The following SOX5 variants were observed in gnomAD, a reference collection of about 807,000 sequenced individuals.
The protein encoded by SOX5 is transcription factor SOX-5.
SOX5 carries 9 observed loss-of-function variants against 92.0 expected under a neutral mutation model. The observed-to-expected ratio is 0.10, with a 90% CI of 0.06 to 0.17. The LOEUF is 0.17. Among genes scored for constraint, SOX5 ranks in the 10% least tolerant of loss-of-function variants. The pLI is 1.00. For missense variants in SOX5, 642 were observed against 944.5 expected, an observed-to-expected ratio of 0.68 and a Z score of 4.20; for synonymous variants, 344 against 336.3, an observed-to-expected ratio of 1.02 and a Z score of -0.25.
In SOX5 at chr12:24,513,071, G is replaced by T. The variant is rs1261041387; in HGVS notation, c.-251+49258C>A. Among the ~76,000 whole-genome samples, 7 of 152,126 alleles carry T rather than the reference G, an allele frequency of 4.6e-5. No homozygotes were observed. In the East Asian group the frequency reaches 1.3e-3, roughly 29 times the overall value. On this transcript the variant is annotated intron_variant, in intron 1 of 4. Coordinates refer to the SOX5 transcript ENST00000446891. ...GTACCATACTCTCTCATGGTGCTGGGCAGTAGCAGTGAGCCGCAGCTCCCA... is the reference window on the plus strand; with the variant it reads ...GTACCATACTCTCTCATGGTGCTGGTCAGTAGCAGTGAGCCGCAGCTCCCA...
intron 2 of SOX5, among the ~76,000 whole-genome samples, chr12:24,323,959 T>G (rs1262571803): frequency 3.3e-5 from 5 of 152,154 alleles, no homozygotes; most frequent in Non-Finnish European, 2.9e-5. Flanking sequence ...CCTCACTTAT[T>G]AAATAAATGT....
chr12:24,223,556 C>A (rs958449551), intron 3 of SOX5, among the ~76,000 whole-genome samples: 3 of 152,110 alleles, frequency 2.0e-5, no homozygotes, highest in Non-Finnish European at 4.4e-5. Context: ...CATTTTGAGA[C>A]CAGCCTGAGC....
intron 4 of SOX5, among the ~76,000 whole-genome samples, chr12:24,211,101 C>T (rs1958561949): frequency 6.6e-6 from 1 of 152,174 alleles, no homozygotes; most frequent in African/African-American, 2.4e-5. Context: ...TGCCACTGCC[C>T]TTGCCATTCC....
At chr12:24,046,989 G>C (rs1169939247) in intron 4 of SOX5, among the ~76,000 whole-genome samples, 1 of 152,054 alleles carries the variant, frequency 6.6e-6, no homozygotes, top group Non-Finnish European at 1.5e-5. Context: ...TCCCGGCCCT[G>C]AATTTTTAAA....
rs2096436695 is a variant in SOX5 at position 23,837,269 on chromosome 12, T to TATATATTTATATTTATATAATATAC, written c.481+8713_481+8714insGTATATTATATAAATATAAATATAT. On this transcript the variant is annotated intron_variant, in intron 3 of 14. Transcript: ENST00000451604. ...TATATATTTATATTTATATAATATA[T>TATATATTTATATTTATATAATATAC]AATATGTATTTATATTTATATTTAT... Among the ~76,000 whole-genome samples the TATATATTTATATTTATATAATATAC allele has an allele frequency of 5.6e-5, 4 of 71,118 alleles. No individual in the cohort carries two copies. In the South Asian group the frequency reaches 2.0e-3, roughly 36 times the overall value. The allele number at this position is 71,118 out of a possible 152,430, so 46.7% of individuals were successfully genotyped here. A position where few individuals can be genotyped will look rare whatever the true frequency, so the allele number is the denominator to read the frequency against.
intron 4 of SOX5, among the ~76,000 whole-genome samples, chr12:24,003,910 C>T (rs988238853): frequency 4.6e-5 from 7 of 151,928 alleles, no homozygotes; most frequent in African/African-American, 1.7e-4. Context: ...TATAAAGCTA[C>T]AGTGATCAAG....
intron 1 of SOX5, among the ~76,000 whole-genome samples, chr12:24,539,470 C>T (rs1048818580): frequency 6.6e-6 from 1 of 152,194 alleles, no homozygotes; most frequent in East Asian, 1.9e-4. Context: ...CATGTTCAAA[C>T]ACTGGTTTAC....
chr12:24,296,719 C>T (rs761578164), intron 2 of SOX5, among the ~76,000 whole-genome samples: 9 of 151,498 alleles, frequency 5.9e-5, no homozygotes, highest in Non-Finnish European at 8.8e-5. Context: ...CACTCTCCTA[C>T]GCAGCCAATA....
chr12:24,042,635 A>G (rs1240595423), intron 4 of SOX5, among the ~76,000 whole-genome samples: 1 of 152,158 alleles, frequency 6.6e-6, no homozygotes, highest in East Asian at 1.9e-4. Flanking sequence ...GCCAGCAGCA[A>G]TGAATTCCAC....
intron 2 of SOX5, among the ~76,000 whole-genome samples, chr12:23,890,173 A>T (rs1409131697): frequency 1.3e-5 from 2 of 152,130 alleles, no homozygotes; most frequent in African/African-American, 4.8e-5. Context: ...CACAAAAATT[A>T]GTTGCGCATG....
intron 4 of SOX5, among the ~76,000 whole-genome samples, chr12:24,163,958 T>A (rs752534330): frequency 6.6e-6 from 1 of 152,072 alleles, no homozygotes; most frequent in Non-Finnish European, 1.5e-5. Flanking sequence ...TCAAAATTAT[T>A]TCAATAGAAG....
chr12:24,119,941 T>G (rs1479472490), intron 4 of SOX5, among the ~76,000 whole-genome samples: 1 of 152,210 alleles, frequency 6.6e-6, no homozygotes, highest in Non-Finnish European at 1.5e-5. Flanking sequence ...TATTTTGTGT[T>G]TGGCTCATGC....
chr12:24,495,444 C>T (rs1947532594), intron 1 of SOX5, among the ~76,000 whole-genome samples: 2 of 152,188 alleles, frequency 1.3e-5, no homozygotes, highest in South Asian at 4.1e-4. Flanking sequence ...TATTAGAAGA[C>T]TTATTCAGAA....
chr12:23,846,211 A>G lies in SOX5; in HGVS notation c.271-18T>C, dbSNP rs755093511. The G allele has an allele frequency of 5.7e-6, 9 of 1,577,050 alleles. No individual in the cohort carries two copies. The South Asian group carries it at 1.0e-4, about 17-fold the overall frequency. On this transcript the variant is annotated intron_variant, in intron 2 of 14. Transcript: ENST00000451604. ...TCAACTTCCTGAAAGAGAAAGCAAA[A>G]TGACAAATAATTGTTTACCTGAAAG...
chr12:24,134,690 T>A (rs1287205828), intron 4 of SOX5, among the ~76,000 whole-genome samples: 1 of 152,104 alleles, frequency 6.6e-6, no homozygotes, highest in Non-Finnish European at 1.5e-5. Flanking sequence ...GAATGAACAA[T>A]GGGCCAGAGA....
chr12:24,149,467 T>C (rs1951442272), intron 4 of SOX5, among the ~76,000 whole-genome samples: 1 of 152,186 alleles, frequency 6.6e-6, no homozygotes, highest in Non-Finnish European at 1.5e-5. Flanking sequence ...TCAACATCAT[T>C]AGTCATTAGG....
chr12:23,966,335 G>A (rs73070330), intron 4 of SOX5, among the ~76,000 whole-genome samples: 5,362 of 151,124 alleles, frequency 0.035, 121 homozygotes, highest in South Asian at 0.089. Context: ...CTGAAAGGCA[G>A]GAAATTTTGT....
At chr12:24,127,437 G>A (rs912170624) in intron 4 of SOX5, among the ~76,000 whole-genome samples, 1 of 149,400 alleles carries the variant, frequency 6.7e-6, no homozygotes, top group Non-Finnish European at 1.5e-5. Flanking sequence ...AATACCAATT[G>A]GTTATCTAGT....
intron 3 of SOX5, among the ~76,000 whole-genome samples, chr12:24,260,944 T>C (rs1005935583): frequency 6.6e-6 from 1 of 152,172 alleles, no homozygotes; most frequent in African/African-American, 2.4e-5. Flanking sequence ...TGTGTAAGCC[T>C]TGGACAAGGG....
Sources: allele counts gnomAD v4.1 joint callset (sites outside exome capture counted in the v4.1 genomes callset), GRCh38; gene constraint gnomAD v4.1.1; transcripts MANE v1.5; gene names NCBI Gene and HGNC (gene_info 2026-07-23, HGNC 2026-07-21).